The following COLEC10 variants were observed in gnomAD, a reference collection of about 807,000 sequenced individuals.
The protein encoded by COLEC10 is collectin subfamily member 10, also known as collectin-10.
In COLEC10, 22 loss-of-function variants were observed where a neutral mutation model predicts 28.4. That is an observed-to-expected ratio of 0.78 (90% CI 0.55 to 1.11). The LOEUF (loss-of-function observed/expected upper bound fraction) is 1.11. Among genes scored for constraint, COLEC10 ranks in the 50% least tolerant of loss-of-function variants. COLEC10 has a pLI of 0.00. For missense variants in COLEC10, 361 were observed against 344.1 expected, an observed-to-expected ratio of 1.05 and a Z score of -0.39; for synonymous variants, 125 against 116.1, an observed-to-expected ratio of 1.08 and a Z score of -0.49.
rs1450144388 is a variant in COLEC10 at position 119,069,630 on chromosome 8, ATATATATATATATAT to A, written c.148+2202_148+2216del. ...CAAAAAAAAAAAAAAAAAAAAAAAA[ATATATATATATATAT>A]ATATATATATATATATGTAAACTGC... On this transcript the variant is annotated intron_variant, in intron 1 of 5. Coordinates refer to ENST00000332843, the MANE Select transcript of COLEC10 (RefSeq NM_006438.5). Among the ~76,000 whole-genome samples the A allele has an allele frequency of 4.5e-3, 130 of 28,894 alleles. 3 individuals are homozygous for A. Among genetic ancestry groups the A allele is most frequent in the African/African-American group, 0.015 (107 of 7,364 alleles). The allele number at this position is 28,894 out of a possible 152,430, so 19.0% of individuals were successfully genotyped here.
intron 2 of COLEC10, among the ~76,000 whole-genome samples, chr8:119,011,482 C>CT (rs34010628): frequency 0.64 from 95,085 of 149,498 alleles, 31,602 homozygotes; most frequent in African/African-American, 0.79. Flanking sequence ...TCCATATAAA[C>CT]TTATATTTAT....
intron 2 of COLEC10, among the ~76,000 whole-genome samples, chr8:119,055,809 C>T (rs73709544): frequency 0.03 from 4,630 of 152,148 alleles, 120 homozygotes; most frequent in African/African-American, 0.066. Context: ...AGAGTTGACA[C>T]TTTACCAAAT....
chr8:119,002,638 G>T (rs1174242363), intron 1 of COLEC10, among the ~76,000 whole-genome samples: 20 of 152,044 alleles, frequency 1.3e-4, no homozygotes, highest in Admixed American at 1.3e-3. Context: ...CAATACTTGG[G>T]TGTTCTATTC....
At chr8:118,955,374 GTCACTTTCTGATGACA>G in the COLEC10 span, among the ~76,000 whole-genome samples, 2 of 152,210 alleles carry the variant, frequency 1.3e-5, no homozygotes, top group African/African-American at 2.4e-5. Flanking sequence ...GAAGAAAGAT[GTCACTTTCTGATGACA>G]TCACTTTCTG....
chr8:118,959,474 T>C, the COLEC10 span, among the ~76,000 whole-genome samples: 1 of 152,128 alleles, frequency 6.6e-6, no homozygotes, highest in Admixed American at 6.5e-5. Context: ...CCTCCTAGGA[T>C]TGTTCTGAGT....
At chr8:119,078,815 T>C (rs1815306412) in intron 1 of COLEC10, among the ~76,000 whole-genome samples, 2 of 151,748 alleles carry the variant, frequency 1.3e-5, no homozygotes, top group African/African-American at 4.8e-5. Flanking sequence ...AAAACTGCAA[T>C]TACTTTAACA....
chr8:118,953,566 A>G, the COLEC10 span, among the ~76,000 whole-genome samples: 6 of 152,236 alleles, frequency 3.9e-5, no homozygotes, highest in Admixed American at 3.3e-4. Flanking sequence ...GGAAAGGTTT[A>G]CGTCTCCCTG....
At chr8:119,072,903 T>C (rs1360790333) in intron 1 of COLEC10, among the ~76,000 whole-genome samples, 1 of 152,228 alleles carries the variant, frequency 6.6e-6, no homozygotes, top group East Asian at 1.9e-4. Flanking sequence ...CCATCCACTA[T>C]TTTACTGGAC....
rs548073284 is a variant in COLEC10 at position 119,101,639 on chromosome 8, A to C, written c.293-709A>C. Among the ~76,000 whole-genome samples the C allele has an allele frequency of 5.3e-5, 8 of 152,324 alleles. No homozygotes were observed. In the South Asian group the frequency reaches 1.7e-3, roughly 32 times the overall value. ...CTTTGTATTATTAGTATTTGCATAC[A>C]TCACTTCACTTCTAAAAATTGTAAA... On this transcript the variant is annotated intron_variant, in intron 3 of 5. Coordinates refer to ENST00000332843, the MANE Select transcript of COLEC10 (RefSeq NM_006438.5).
intron 5 of COLEC10, among the ~76,000 whole-genome samples, chr8:119,104,696 A>G (rs1050646681): frequency 3.9e-5 from 6 of 152,132 alleles, no homozygotes; most frequent in African/African-American, 1.4e-4. Flanking sequence ...TCTCGTGTTC[A>G]TCCTCATCTT....
chr8:119,073,967 CACAT>C (rs1179596238), intron 1 of COLEC10, among the ~76,000 whole-genome samples: 6 of 119,974 alleles, frequency 5.0e-5, no homozygotes, highest in East Asian at 4.7e-4. Context: ...TACACATATA[CACAT>C]ATATATACAC....
the COLEC10 span, among the ~76,000 whole-genome samples, chr8:118,964,832 A>T: frequency 6.6e-6 from 1 of 152,200 alleles, no homozygotes; most frequent in South Asian, 2.1e-4. Flanking sequence ...AAGCGGTCAC[A>T]TCGACCAGAT....
At chr8:119,100,175 T>C (rs895100741) in intron 3 of COLEC10, among the ~76,000 whole-genome samples, 3 of 152,130 alleles carry the variant, frequency 2.0e-5, no homozygotes, top group African/African-American at 7.2e-5. Context: ...ATTAAACCAT[T>C]GGTTAACTCA....
chr8:119,041,681 A>G (rs1814496372), intron 2 of COLEC10, among the ~76,000 whole-genome samples: 1 of 152,218 alleles, frequency 6.6e-6, no homozygotes, highest in South Asian at 2.1e-4. Context: ...GATACCTGAC[A>G]TATCTTAGAG....
At chr8:119,090,672 G>GA (rs1376309405) in intron 2 of COLEC10, among the ~76,000 whole-genome samples, 8 of 152,168 alleles carry the variant, frequency 5.3e-5, no homozygotes, top group Non-Finnish European at 8.8e-5. Flanking sequence ...AACTCAGCAG[G>GA]ACCATGTCTG....
chr8:118,982,208 C>T, the COLEC10 span, among the ~76,000 whole-genome samples: 3 of 151,970 alleles, frequency 2.0e-5, no homozygotes, highest in Non-Finnish European at 4.4e-5. Context: ...GGTATCATCT[C>T]CTTCCCTTTC....
the COLEC10 span, among the ~76,000 whole-genome samples, chr8:118,989,370 G>C: frequency 1.3e-5 from 2 of 151,914 alleles, no homozygotes; most frequent in Non-Finnish European, 1.5e-5. Context: ...AATATCAAAA[G>C]GTGTAATGCC....
At chr8:119,016,955 C>T (rs1051092700) in intron 2 of COLEC10, among the ~76,000 whole-genome samples, 2 of 151,674 alleles carry the variant, frequency 1.3e-5, no homozygotes, top group Admixed American at 6.6e-5. Flanking sequence ...ATCTTGTGAT[C>T]CACCTGCCTC....
chr8:119,047,188 C>G (rs1814600937), intron 2 of COLEC10, among the ~76,000 whole-genome samples: 1 of 152,152 alleles, frequency 6.6e-6, no homozygotes. Flanking sequence ...AGCAGCCACC[C>G]TCAAATAAAA....
Sources: gnomAD v4.1 joint callset for allele counts (sites outside exome capture counted in the v4.1 genomes callset) on GRCh38, gnomAD v4.1.1 for gene constraint, MANE v1.5 for transcripts, NCBI Gene and HGNC (gene_info 2026-07-23, HGNC 2026-07-21) for gene names.